The following DLGAP1 variants were observed in gnomAD, a reference collection of about 807,000 sequenced individuals.
The protein encoded by DLGAP1 is DLG associated protein 1.
DLGAP1 carries 11 observed loss-of-function variants against 90.8 expected under a neutral mutation model. The ratio of observed to expected loss-of-function variants is 0.12; its 90% CI spans 0.08 to 0.20. The LOEUF (loss-of-function observed/expected upper bound fraction) is 0.20, where lower values mean the gene tolerates loss of function less well. DLGAP1 is among the 10% of genes least tolerant of loss of function. DLGAP1 has a pLI of 1.00. For synonymous variants in DLGAP1, 558 were observed against 540.7 expected, an observed-to-expected ratio of 1.03 and a Z score of -0.44; for missense variants, 1,050 against 1,333.8, an observed-to-expected ratio of 0.79 and a Z score of 3.31.
intron 1 of DLGAP1, among the ~76,000 whole-genome samples, chr18:4,433,333 A>G (rs1471735813): frequency 6.6e-6 from 1 of 152,186 alleles, no homozygotes; most frequent in Non-Finnish European, 1.5e-5. Context: ...ATTCTACCTA[A>G]TTTAAGTTTA....
intron 1 of DLGAP1, among the ~76,000 whole-genome samples, chr18:4,390,176 A>AG (rs1011419360): frequency 6.6e-6 from 1 of 151,336 alleles, no homozygotes; most frequent in Non-Finnish European, 1.5e-5. Context: ...GAAAAAAAAA[A>AG]AGATGTATTC....
chr18:3,602,611 A>C (rs1020669937), intron 7 of DLGAP1, among the ~76,000 whole-genome samples: 4 of 151,548 alleles, frequency 2.6e-5, no homozygotes, highest in African/African-American at 9.7e-5. Flanking sequence ...AAAAAAAAAA[A>C]AAAAACAAAG....
intron 2 of DLGAP1, among the ~76,000 whole-genome samples, chr18:4,048,841 A>T (rs1024731644): frequency 1.1e-4 from 16 of 152,230 alleles, no homozygotes; most frequent in Non-Finnish European, 2.2e-4. Flanking sequence ...ATACATTATC[A>T]ACTGAGGACT....
At chr18:4,260,392 A>G (rs1017591093) in intron 1 of DLGAP1, among the ~76,000 whole-genome samples, 19 of 152,272 alleles carry the variant, frequency 1.2e-4, no homozygotes, top group African/African-American at 4.3e-4. Flanking sequence ...TAAGTTGGTG[A>G]CTTCTCATTG....
intron 1 of DLGAP1, among the ~76,000 whole-genome samples, chr18:4,428,479 G>T (rs2144731148): frequency 6.6e-6 from 1 of 152,250 alleles, no homozygotes; most frequent in South Asian, 2.1e-4. Context: ...CTACTTGGGA[G>T]GCTGAGCCAT....
intron 1 of DLGAP1, among the ~76,000 whole-genome samples, chr18:4,163,875 C>A (rs1184396171): frequency 1.3e-5 from 2 of 152,170 alleles, no homozygotes; most frequent in Non-Finnish European, 2.9e-5. Context: ...AATTTCCCTT[C>A]ATTAAAATTA....
chr18:3,790,647 C>T (rs1351471170), intron 5 of DLGAP1, among the ~76,000 whole-genome samples: 1 of 152,138 alleles, frequency 6.6e-6, no homozygotes, highest in Admixed American at 6.5e-5. Flanking sequence ...TAGAGGAAAG[C>T]AGGAAACAGA....
intron 2 of DLGAP1, among the ~76,000 whole-genome samples, chr18:4,005,839 C>A (rs571957137): frequency 6.6e-6 from 1 of 152,306 alleles, no homozygotes; most frequent in Admixed American, 6.5e-5. Context: ...CTTGGTTCTG[C>A]ATCAAATGTA....
intron 7 of DLGAP1, among the ~76,000 whole-genome samples, chr18:3,714,289 G>A (rs188365086): frequency 2.0e-5 from 3 of 152,246 alleles, no homozygotes; most frequent in East Asian, 1.9e-4. Flanking sequence ...TAGAAGAGTC[G>A]TTTTTGGAAA....
intron 1 of DLGAP1, among the ~76,000 whole-genome samples, chr18:4,203,529 T>G (rs2144825958): frequency 6.6e-6 from 1 of 152,302 alleles, no homozygotes. Context: ...GGCTTCTACT[T>G]TGACACATGT....
At chr18:4,012,372 C>T (rs150203533) in intron 2 of DLGAP1, among the ~76,000 whole-genome samples, 1 of 152,202 alleles carries the variant, frequency 6.6e-6, no homozygotes, top group Non-Finnish European at 1.5e-5. Flanking sequence ...CCATCCCCCC[C>T]TCTGCCACTT....
chr18:4,123,356 G>T (rs1304783517), intron 2 of DLGAP1, among the ~76,000 whole-genome samples: 1 of 152,092 alleles, frequency 6.6e-6, no homozygotes, highest in Non-Finnish European at 1.5e-5. Context: ...AGGTAGAACT[G>T]GGACAATATA....
At chr18:4,404,630 T>G (rs1370375941) in intron 1 of DLGAP1, among the ~76,000 whole-genome samples, 1 of 152,182 alleles carries the variant, frequency 6.6e-6, no homozygotes, top group African/African-American at 2.4e-5. Flanking sequence ...TTGAATGGAG[T>G]CTGTATTTTC....
At position 4,342,881 on chromosome 18, in the gene DLGAP1, C is replaced by A. The variant is rs1424101314; in HGVS notation, c.-267+112125G>T. Among the ~76,000 whole-genome samples the A allele has an allele frequency of 1.3e-5, 2 of 152,100 alleles. No homozygotes were observed. Among genetic ancestry groups the A allele is most frequent in the Non-Finnish European group, 2.9e-5 (2 of 68,016 alleles). On this transcript the variant is annotated intron_variant, in intron 1 of 12. Transcript: ENST00000315677. This position sits in a 1 kb window ranked among gnomAD's most constrained non-coding sequence, Gnocchi z 5.8. ...CATTATTAACAACCCTAGTAAATAG[C>A]TTTGCATAAACAATATCAGATCTGA...
At chr18:3,740,449 C>A (rs67198900) in intron 6 of DLGAP1, among the ~76,000 whole-genome samples, 1 of 151,914 alleles carries the variant, frequency 6.6e-6, no homozygotes. Context: ...TGGGTCAGCA[C>A]TGAAATCCCA....
chr18:3,600,708 C>CTGTAGA (rs1568277048), intron 7 of DLGAP1, among the ~76,000 whole-genome samples: 2 of 41,976 alleles, frequency 4.8e-5, no homozygotes, highest in Non-Finnish European at 8.7e-5. Flanking sequence ...ATATCTATAG[C>CTGTAGA]TATATAGATA....
intron 3 of DLGAP1, among the ~76,000 whole-genome samples, chr18:3,956,702 G>A (rs1454117119): frequency 6.6e-6 from 1 of 152,094 alleles, no homozygotes; most frequent in Non-Finnish European, 1.5e-5. Flanking sequence ...GCTGGATGGA[G>A]TGCAGTGATG....
In DLGAP1 at chr18:3,499,030, G is replaced by T. The variant is rs1246170304; in HGVS notation, c.*155C>A. Reference sequence around the variant, plus strand: ...AAGTGGGGGGCTGAGGGGGGCCCGGGGGGCGGCTCCTGCGAGGTGGACAAC... The same window carrying T: ...AAGTGGGGGGCTGAGGGGGGCCCGGTGGGCGGCTCCTGCGAGGTGGACAAC... On this transcript the variant is annotated 3_prime_UTR_variant, in exon 13 of 13. Coordinates refer to ENST00000315677, the MANE Select transcript of DLGAP1 (RefSeq NM_004746.4). This position sits in a 1 kb window ranked among gnomAD's most constrained non-coding sequence, Gnocchi z 6.4. 27 of 646,164 alleles carry T rather than the reference G, an allele frequency of 4.2e-5. 1 individual carries two copies. In the South Asian group the frequency reaches 5.7e-4, roughly 14 times the overall value. 40.0% of individuals were successfully genotyped at this position (646,164 alleles called of 1,614,324 possible).
At chr18:3,926,954 T>C (rs1163110957) in intron 3 of DLGAP1, among the ~76,000 whole-genome samples, 2 of 152,098 alleles carry the variant, frequency 1.3e-5, no homozygotes, top group East Asian at 1.9e-4. Flanking sequence ...CAAAATGACA[T>C]AGGAGTTTGC....
Sources: gnomAD v4.1 joint callset for allele counts (sites outside exome capture counted in the v4.1 genomes callset) on GRCh38, gnomAD v4.1.1 for gene constraint, Gnocchi (gnomAD v3.1) non-coding constraint, MANE v1.5 for transcripts, NCBI Gene and HGNC (gene_info 2026-07-23, HGNC 2026-07-21) for gene names.